GABRR3: variants seen among roughly 807,000 people sequenced by gnomAD.
The protein encoded by GABRR3 is gamma-aminobutyric acid type A receptor subunit rho3, also known as gamma-aminobutyric acid receptor subunit rho-3.
In GABRR3, 29 loss-of-function variants were observed where a neutral mutation model predicts 43.2. The observed-to-expected ratio is 0.67, with a 90% CI of 0.50 to 0.92. The LOEUF (loss-of-function observed/expected upper bound fraction) is 0.92, where lower values mean the gene tolerates loss of function less well. Among genes scored for constraint, GABRR3 ranks in the 40% least tolerant of loss-of-function variants. The probability of loss-of-function intolerance (pLI) is 0.00; values close to 1 mark genes in which losing one functional copy is unlikely to be tolerated. For missense variants in GABRR3, 576 were observed against 572.3 expected (o/e 1.01, Z -0.07); for synonymous variants, 206 against 195.9 (o/e 1.05, Z -0.43).
At chr3:98,030,445 T>G (rs542035075) in intron 2 of GABRR3, among the ~76,000 whole-genome samples, 41 of 152,264 alleles carry the variant, frequency 2.7e-4, no homozygotes, top group African/African-American at 9.9e-4. Flanking sequence ...GAGAAATGCT[T>G]AAGTGAAGAA....
chr3:97,986,917 G>A (rs761320459), exon 10 of GABRR3: 48 of 1,611,372 alleles, frequency 3.0e-5, no homozygotes, highest in Non-Finnish European at 3.6e-5. Flanking sequence ...TGTCAATCTC[G>A]CTGTCATGGT....
chr3:98,035,146 T>C (rs1196362518), intron 1 of GABRR3, 44 bp downstream of exon 1: 3 of 837,446 alleles, frequency 3.6e-6, no homozygotes, highest in Non-Finnish European at 5.3e-6. Flanking sequence ...CACTTTGTTT[T>C]AGCAGATTAA....
intron 9 of GABRR3, among the ~76,000 whole-genome samples, chr3:97,989,435 AGTG>A (rs1706433632): frequency 1.2e-5 from 1 of 84,580 alleles, no homozygotes; most frequent in African/African-American, 4.7e-5. Flanking sequence ...AGTGGTGAGT[AGTG>A]GTGGTGGGTG....
At chr3:97,996,035 T>C (rs907846302) in intron 8 of GABRR3, among the ~76,000 whole-genome samples, 1 of 152,174 alleles carries the variant, frequency 6.6e-6, no homozygotes, top group African/African-American at 2.4e-5. Flanking sequence ...AAGAACCCTT[T>C]AGTCTGGGGG....
chr3:98,017,960 C>T (rs6788085), intron 3 of GABRR3, among the ~76,000 whole-genome samples: 129,754 of 151,332 alleles, frequency 0.86, 56,090 homozygotes, highest in East Asian at 0.99. Context: ...TGGGATCATG[C>T]CAATAATTTC....
At chr3:97,990,109 C>T (rs912359732) in intron 9 of GABRR3, among the ~76,000 whole-genome samples, 1 of 152,320 alleles carries the variant, frequency 6.6e-6, no homozygotes, top group East Asian at 1.9e-4. Flanking sequence ...AGTAATACTC[C>T]TATTCCCTCA....
intron 5 of GABRR3, among the ~76,000 whole-genome samples, chr3:98,012,125 C>T (rs965626921): frequency 4.6e-5 from 7 of 152,112 alleles, no homozygotes; most frequent in African/African-American, 7.2e-5. Flanking sequence ...TTTGTCCAAT[C>T]GACATATACC....
chr3:98,015,889 A>G (rs1486446667), intron 4 of GABRR3, among the ~76,000 whole-genome samples: 1 of 152,190 alleles, frequency 6.6e-6, no homozygotes, highest in Non-Finnish European at 1.5e-5. Context: ...TCACACTGCT[A>G]TAGAGAACTA....
At chr3:98,027,714 G>A (rs753725722) in intron 2 of GABRR3, among the ~76,000 whole-genome samples, 16 of 152,012 alleles carry the variant, frequency 1.1e-4, no homozygotes, top group Non-Finnish European at 2.1e-4. Context: ...AGGATCTGTT[G>A]CTTAAATACG....
chr3:97,994,735 C>A (rs1446838477), intron 8 of GABRR3, among the ~76,000 whole-genome samples: 2 of 152,208 alleles, frequency 1.3e-5, no homozygotes, highest in Non-Finnish European at 1.5e-5. Context: ...ATTAGCCACA[C>A]ATAACAGAAA....
intron 4 of GABRR3, among the ~76,000 whole-genome samples, chr3:98,016,294 T>C (rs1237052107): frequency 2.0e-5 from 3 of 152,132 alleles, no homozygotes; most frequent in African/African-American, 7.2e-5. Flanking sequence ...GAGTTCTCAA[T>C]TATTTCCCAT....
chr3:98,030,112 T>TG (rs1443757848), intron 2 of GABRR3, among the ~76,000 whole-genome samples: 1 of 95,864 alleles, frequency 1.0e-5, no homozygotes, highest in Non-Finnish European at 2.4e-5. Context: ...GAGACTGTCT[T>TG]GGAAAAAAAA....
rs991578447 is a variant in GABRR3 at position 98,007,065 on chromosome 3, T to G, written c.754+699A>C. Among the ~76,000 whole-genome samples, 4 of 152,062 alleles carry G rather than the reference T, an allele frequency of 2.6e-5. No individual in the cohort carries two copies. The East Asian group carries it at 7.7e-4, about 29-fold the overall frequency. On this transcript the variant is annotated intron_variant, in intron 7 of 9. Transcript: ENST00000621172. ...CAAGGCAGACAGATTCCCCACCCTT[T>G]TCCTGGTGAGGCACTCACACAACAA...
chr3:97,991,420 G>A (rs73851102), intron 9 of GABRR3, among the ~76,000 whole-genome samples: 4,018 of 152,252 alleles, frequency 0.026, 155 homozygotes, highest in African/African-American at 0.089. Flanking sequence ...CACCACTGCC[G>A]CATACTGCTC....
intron 7 of GABRR3, among the ~76,000 whole-genome samples, chr3:98,002,643 T>G (rs1706665785): frequency 6.6e-6 from 1 of 152,200 alleles, no homozygotes; most frequent in African/African-American, 2.4e-5. Flanking sequence ...AACTATGTGC[T>G]AATCTTGTTA....
intron 4 of GABRR3, among the ~76,000 whole-genome samples, chr3:98,014,938 A>T (rs1413752955): frequency 6.6e-6 from 1 of 152,150 alleles, no homozygotes; most frequent in African/African-American, 2.4e-5. Flanking sequence ...AAATTTTAAC[A>T]CTCTGAAAAT....
At chr3:98,017,183 C>G (rs542265598) in intron 4 of GABRR3, among the ~76,000 whole-genome samples, 47 of 152,172 alleles carry the variant, frequency 3.1e-4, no homozygotes, top group South Asian at 1.7e-3. Flanking sequence ...GTCCCATGAA[C>G]TTAAAAAAAT....
At chr3:98,004,571 T>C (rs975596358) in intron 7 of GABRR3, among the ~76,000 whole-genome samples, 4 of 151,748 alleles carry the variant, frequency 2.6e-5, no homozygotes, top group African/African-American at 4.8e-5. Context: ...TGCATGATTT[T>C]GAGAATTTTG....
At chr3:98,002,017 T>C (rs1163263792) in intron 7 of GABRR3, among the ~76,000 whole-genome samples, 2 of 152,178 alleles carry the variant, frequency 1.3e-5, no homozygotes, top group Non-Finnish European at 2.9e-5. Context: ...ATAGTGGTTA[T>C]CTTTTGTGGG....
Sources: allele counts gnomAD v4.1 joint callset (sites outside exome capture counted in the v4.1 genomes callset), GRCh38; gene constraint gnomAD v4.1.1; transcripts MANE v1.5; gene names NCBI Gene and HGNC (gene_info 2026-07-23, HGNC 2026-07-21).